The following CTNND2 variants were observed in gnomAD, a reference collection of about 807,000 sequenced individuals.
The protein encoded by CTNND2 is catenin delta-2.
In CTNND2, 22 loss-of-function variants were observed where a neutral mutation model predicts 144.4. The observed-to-expected ratio is 0.15, with a 90% CI of 0.11 to 0.22. The LOEUF is 0.22. CTNND2 is among the 10% of genes least tolerant of loss of function. The pLI, the probability that CTNND2 is intolerant of heterozygous loss-of-function variation, is 1.00. For missense variants in CTNND2, 1,353 were observed against 1,618.8 expected, an observed-to-expected ratio of 0.84 and a Z score of 2.82; for synonymous variants, 751 against 695.6, an observed-to-expected ratio of 1.08 and a Z score of -1.25.
intron 9 of CTNND2, among the ~76,000 whole-genome samples, chr5:11,291,419 C>T (rs1172592477): frequency 1.3e-5 from 2 of 152,098 alleles, no homozygotes; most frequent in East Asian, 3.8e-4. Context: ...GATCCTGTTC[C>T]TTCAGTTCAC....
At chr5:11,792,146 A>G (rs949990836) in intron 1 of CTNND2, among the ~76,000 whole-genome samples, 33 of 152,166 alleles carry the variant, frequency 2.2e-4, no homozygotes, top group Non-Finnish European at 2.8e-4. Flanking sequence ...CTCCAATGAT[A>G]ATCAGTTTAA....
chr5:11,186,806 T>G (rs934571987), intron 11 of CTNND2, among the ~76,000 whole-genome samples: 1 of 152,170 alleles, frequency 6.6e-6, no homozygotes, highest in South Asian at 2.1e-4. Flanking sequence ...TTGGAGAAAC[T>G]GGAAAATCAC....
At chr5:11,057,877 G>C (rs1048827320) in intron 16 of CTNND2, among the ~76,000 whole-genome samples, 2 of 152,192 alleles carry the variant, frequency 1.3e-5, no homozygotes, top group African/African-American at 4.8e-5. Context: ...TTGGGAACTA[G>C]AGCAAAGGTA....
chr5:11,165,046 T>C (rs769964108), intron 11 of CTNND2, among the ~76,000 whole-genome samples: 1 of 152,250 alleles, frequency 6.6e-6, no homozygotes, highest in Non-Finnish European at 1.5e-5. Flanking sequence ...TGCCATGTGC[T>C]GTAAGCATCG....
chr5:11,399,560 C>T (rs1373203843), intron 5 of CTNND2, among the ~76,000 whole-genome samples: 1 of 152,162 alleles, frequency 6.6e-6, no homozygotes, highest in African/African-American at 2.4e-5. Context: ...CTTCTAATGA[C>T]AATGTAAAGT....
intron 18 of CTNND2, among the ~76,000 whole-genome samples, chr5:11,005,279 G>A (rs575141675): frequency 5.3e-5 from 8 of 152,364 alleles, no homozygotes; most frequent in South Asian, 2.1e-4. Flanking sequence ...GAGGCAAAGC[G>A]ATCGCAGGCA....
chr5:11,540,737 T>G (rs57911277), intron 3 of CTNND2, among the ~76,000 whole-genome samples: 1 of 152,174 alleles, frequency 6.6e-6, no homozygotes, highest in Non-Finnish European at 1.5e-5. Context: ...TTCGAACTCC[T>G]GACCTCAGGT....
intron 3 of CTNND2, among the ~76,000 whole-genome samples, chr5:11,505,125 A>G (rs146816844): frequency 2.5e-3 from 375 of 152,274 alleles, no homozygotes; most frequent in African/African-American, 8.7e-3. Context: ...ACTAGGTCGA[A>G]TGTTTTGGAA....
At chr5:11,526,543 G>A (rs1019585954) in intron 3 of CTNND2, among the ~76,000 whole-genome samples, 6 of 152,114 alleles carry the variant, frequency 3.9e-5, no homozygotes, top group African/African-American at 9.7e-5. Context: ...TGGTGCCTTC[G>A]GTAGAATCAC....
At chr5:11,261,419 C>T (rs1159731228) in intron 9 of CTNND2, among the ~76,000 whole-genome samples, 1 of 152,204 alleles carries the variant, frequency 6.6e-6, no homozygotes, top group African/African-American at 2.4e-5. Context: ...TGGCAAGCTA[C>T]CCAATGTCCT....
At chr5:11,286,040 T>C (rs1303294849) in intron 9 of CTNND2, among the ~76,000 whole-genome samples, 1 of 112,946 alleles carries the variant, frequency 8.9e-6, no homozygotes, top group African/African-American at 3.3e-5. Context: ...TTCCAGCAAT[T>C]GATATCCACA....
chr5:11,443,250 GTGC>G (rs1764460475), intron 3 of CTNND2, among the ~76,000 whole-genome samples: 1 of 98,450 alleles, frequency 1.0e-5, no homozygotes, highest in African/African-American at 6.9e-5. Context: ...GTGTGTGTGT[GTGC>G]TGTGTGTGGT....
chr5:11,194,254 C>T (rs563640850), intron 11 of CTNND2, among the ~76,000 whole-genome samples: 26 of 152,100 alleles, frequency 1.7e-4, no homozygotes, highest in Non-Finnish European at 2.5e-4. Flanking sequence ...AGATGGCAGG[C>T]ACCTGGGGTG....
At chr5:11,442,840 TTA>T (rs1561400487) in intron 3 of CTNND2, among the ~76,000 whole-genome samples, 3 of 143,130 alleles carry the variant, frequency 2.1e-5, no homozygotes, top group Non-Finnish European at 4.6e-5. Flanking sequence ...TATTATAATT[TTA>T]TATAATATAA....
At chr5:11,186,032 C>A (rs1735587393) in intron 11 of CTNND2, among the ~76,000 whole-genome samples, 1 of 152,206 alleles carries the variant, frequency 6.6e-6, no homozygotes, top group Admixed American at 6.5e-5. Context: ...TCAATCTCGG[C>A]AAATACAAAA....
intron 3 of CTNND2, among the ~76,000 whole-genome samples, chr5:11,496,019 A>T (rs777793720): frequency 3.3e-5 from 5 of 152,088 alleles, no homozygotes; most frequent in Non-Finnish European, 7.4e-5. Context: ...ATGCTGTCTC[A>T]GGTCTTTTCC....
chr5:11,635,285 A>C (rs1781624866), intron 2 of CTNND2, among the ~76,000 whole-genome samples: 1 of 152,262 alleles, frequency 6.6e-6, no homozygotes, highest in South Asian at 2.1e-4. Context: ...AGAAAGAAGA[A>C]GGCATCACCC....
chr5:11,600,443 C>T lies in CTNND2; in HGVS notation c.175-35387G>A, dbSNP rs184456576. 5.0e-3 allele frequency among the ~76,000 whole-genome samples: 766 copies of T among 152,142 alleles called. 3 individuals are homozygous for T. The highest frequency in any genetic ancestry group is 0.017 in the African/African-American group (717 of 41,522). Reference sequence around the variant, plus strand: ...AGATTAGGCCAGGCATAGTGGCTCACGCCTGTAATCCCAGCACTTTGGGAG... The same window carrying T: ...AGATTAGGCCAGGCATAGTGGCTCATGCCTGTAATCCCAGCACTTTGGGAG... On this transcript the variant is annotated intron_variant, in intron 2 of 21. Coordinates refer to ENST00000304623, the MANE Select transcript of CTNND2 (RefSeq NM_001332.4).
intron 12 of CTNND2, among the ~76,000 whole-genome samples, chr5:11,128,885 TA>T (rs1463828595): frequency 1.6e-5 from 1 of 61,152 alleles, no homozygotes; most frequent in Non-Finnish European, 3.2e-5. Flanking sequence ...ATATAATACA[TA>T]AATATATATT....
Sources: allele counts gnomAD v4.1 joint callset (sites outside exome capture counted in the v4.1 genomes callset), GRCh38; gene constraint gnomAD v4.1.1; transcripts MANE v1.5; gene names NCBI Gene and HGNC (gene_info 2026-07-23, HGNC 2026-07-21).